Variants in MYO5C observed in about 807,000 individuals in gnomAD.
MYO5C encodes the protein unconventional myosin-Vc.
A neutral mutation model predicts 235.7 loss-of-function variants in MYO5C; 194 were observed. That is an observed-to-expected ratio of 0.82 (90% CI 0.73 to 0.93). The LOEUF (loss-of-function observed/expected upper bound fraction) is 0.93. MYO5C is among the 40% of genes least tolerant of loss of function. The pLI is 0.00. For missense variants in MYO5C, 2,038 were observed against 2,127.2 expected, an observed-to-expected ratio of 0.96 and a Z score of 0.82; for synonymous variants, 707 against 754.8, an observed-to-expected ratio of 0.94 and a Z score of 1.04.
chr15:52,244,297 G>A (rs1004275230), intron 19 of MYO5C, 59 bp downstream of exon 19: 13 of 1,542,506 alleles, frequency 8.4e-6, no homozygotes, highest in African/African-American at 5.5e-5. Context: ...CCTCCCCGCC[G>A]GAGATGATCA....
intron 1 of MYO5C, among the ~76,000 whole-genome samples, chr15:52,291,729 A>ATTTTTTTTTT (rs1317823747): frequency 2.1e-5 from 1 of 46,720 alleles, no homozygotes; most frequent in Non-Finnish European, 4.5e-5. Context: ...TGCATATTTT[A>ATTTTTTTTTT]TGTTTTTTTT....
intron 39 of MYO5C, 100 bp from the exon 40 acceptor site, chr15:52,195,557 G>A (rs966778771): frequency 2.8e-6 from 2 of 713,278 alleles, no homozygotes; most frequent in African/African-American, 3.7e-5. Flanking sequence ...AAGCACAGGT[G>A]GTTCTTTTAG....
chr15:52,202,559 TG>T, intron 38 of MYO5C, among the ~76,000 whole-genome samples: 1 of 152,016 alleles, frequency 6.6e-6, no homozygotes, highest in Non-Finnish European at 1.5e-5. Flanking sequence ...ACTGAGGGAG[TG>T]AGAACTGAGT....
intron 8 of MYO5C, among the ~76,000 whole-genome samples, chr15:52,268,165 G>A (rs971446619): frequency 6.6e-6 from 1 of 152,156 alleles, no homozygotes; most frequent in African/African-American, 2.4e-5. Flanking sequence ...TGTTTAACCT[G>A]AAACTCTTAG....
intron 29 of MYO5C, among the ~76,000 whole-genome samples, chr15:52,222,971 GAAACCCT>G (rs2035730349): frequency 2.0e-5 from 3 of 152,062 alleles, no homozygotes; most frequent in Non-Finnish European, 4.4e-5. Flanking sequence ...CCCACATAGT[GAAACCCT>G]GTCTCTACTA....
intron 1 of MYO5C, among the ~76,000 whole-genome samples, chr15:52,285,860 G>A (rs1333739400): frequency 6.6e-6 from 1 of 152,222 alleles, no homozygotes; most frequent in African/African-American, 2.4e-5. Context: ...CTCCCAAAGT[G>A]CCGAGATTGC....
chr15:52,267,313 C>T (rs1174831932), intron 8 of MYO5C, among the ~76,000 whole-genome samples: 3 of 152,306 alleles, frequency 2.0e-5, no homozygotes, highest in Non-Finnish European at 4.4e-5. Context: ...ATGTGCTTGG[C>T]CTGGTGCTGG....
chr15:52,251,384 CG>C lies in MYO5C; in HGVS notation c.1662+5del. The C allele has an allele frequency of 6.3e-7, 1 of 1,591,322 alleles. No individual in the cohort carries two copies. The highest frequency in any genetic ancestry group is 8.6e-7 in the Non-Finnish European group (1 of 1,166,958). ...TTGACAGCATTGATGGAGACCTTCA[CG>C]GTACCTTATCAGCAAAGTGCTGGAT... On this transcript the variant is annotated splice_donor_5th_base_variant and intron_variant, in intron 13 of 40. Coordinates refer to ENST00000261839, the MANE Select transcript of MYO5C (RefSeq NM_018728.4).
At chr15:52,203,842 T>G (rs1321279674) in intron 38 of MYO5C, among the ~76,000 whole-genome samples, 1 of 152,154 alleles carries the variant, frequency 6.6e-6, no homozygotes, top group Admixed American at 6.5e-5. Flanking sequence ...TGAATTCAAT[T>G]GTTTTAATTT....
intron 33 of MYO5C, 78 bp downstream of exon 33, chr15:52,214,525 G>T: frequency 9.4e-7 from 1 of 1,061,770 alleles, no homozygotes; most frequent in Non-Finnish European, 1.4e-6. Context: ...CATAAGCTTT[G>T]GACCAGAAAG....
chr15:52,265,466 C>T (rs1435165045), intron 8 of MYO5C, among the ~76,000 whole-genome samples: 2 of 152,120 alleles, frequency 1.3e-5, no homozygotes, highest in African/African-American at 2.4e-5. Flanking sequence ...GCCAATGACC[C>T]CTCACTTGAG....
intron 14 of MYO5C, among the ~76,000 whole-genome samples, chr15:52,247,885 G>C (rs1309210123): frequency 6.6e-6 from 1 of 152,124 alleles, no homozygotes; most frequent in Non-Finnish European, 1.5e-5. Context: ...TCCGTGCCTG[G>C]CTCACACTGT....
intron 7 of MYO5C, among the ~76,000 whole-genome samples, chr15:52,270,624 AAATG>A (rs2036899507): frequency 2.0e-5 from 3 of 148,364 alleles, no homozygotes; most frequent in Non-Finnish European, 4.5e-5. Context: ...ATGTATATAT[AAATG>A]TATGTGTATA....
At position 52,235,718 on chromosome 15, in the gene MYO5C, T is replaced by C. The variant is rs1207518942; in HGVS notation, c.2914A>G (p.Lys972Glu). ...TGAAGCTTCAGCTGTATTTGTTCTT[T>C]CTGTGTTTCCAGTTCTGAATTATGC... The part of the protein sequence containing the change: ...QKHNSELETQ[K>E]EQIQLKLQEK... The change falls in exon 23 of 41, where the codon AAA becomes GAA. Residue 972 changes from lysine to glutamate, a missense_variant. By Grantham distance (56) the Lys-to-Glu change is moderately conservative. Transcript: ENST00000261839. 6.2e-6 allele frequency: 10 copies of C among 1,612,800 alleles called. No homozygotes were observed. The highest frequency in any genetic ancestry group is 8.5e-6 in the Non-Finnish European group (10 of 1,179,316).
chr15:52,291,731 GTT>G (rs1196328559), intron 1 of MYO5C, among the ~76,000 whole-genome samples: 3,631 of 52,142 alleles, frequency 0.07, 36 homozygotes, highest in East Asian at 0.17. Flanking sequence ...CATATTTTAT[GTT>G]TTTTTTTTTT....
At chr15:52,271,082 C>A (rs2036915268) in intron 7 of MYO5C, among the ~76,000 whole-genome samples, 1 of 151,862 alleles carries the variant, frequency 6.6e-6, no homozygotes, top group African/African-American at 2.4e-5. Context: ...CAAGGAAGGT[C>A]AAATTATGAT....
At chr15:52,207,528 T>A (rs2035346982) in intron 36 of MYO5C, among the ~76,000 whole-genome samples, 2 of 152,248 alleles carry the variant, frequency 1.3e-5, no homozygotes, top group South Asian at 2.1e-4. Context: ...ATTAGATCAT[T>A]ACCTTACATA....
At chr15:52,259,973 A>G (rs1005876958) in intron 10 of MYO5C, among the ~76,000 whole-genome samples, 14 of 152,204 alleles carry the variant, frequency 9.2e-5, no homozygotes, top group African/African-American at 3.4e-4. Context: ...CAGGTGGAAC[A>G]CTCCAGGATG....
chr15:52,205,057 G>T lies in MYO5C; in HGVS notation c.4628C>A (p.Thr1543Lys). The T allele has an allele frequency of 6.2e-7, 1 of 1,614,222 alleles. No individual in the cohort carries two copies. Among genetic ancestry groups the T allele is most frequent in the Non-Finnish European group, 8.5e-7 (1 of 1,180,024 alleles). The change falls in exon 38 of 41, where the codon ACG becomes AAG. Residue 1543 changes from threonine to lysine, a missense_variant. By Grantham distance (78) the Thr-to-Lys change is moderately conservative (BLOSUM62 -1). Coordinates refer to ENST00000261839, the MANE Select transcript of MYO5C (RefSeq NM_018728.4). The part of the protein sequence containing the change: ...FRKRSSSIDD[T>K]DGYTMTSVLQ... ...GACGGAGGTCATGGTGTAGCCGTCC[G>T]TGTCGTCTATGCTAGAGGAGCGCTT... is the stretch of plus-strand genomic sequence containing the variant.
Sources: gnomAD v4.1 joint callset for allele counts (sites outside exome capture counted in the v4.1 genomes callset) on GRCh38, gnomAD v4.1.1 for gene constraint, MANE v1.5 for transcripts, NCBI Gene and HGNC (gene_info 2026-07-23, HGNC 2026-07-21) for gene names.